ZNF462: variants seen among roughly 807,000 people sequenced by gnomAD.
ZNF462 encodes zinc finger protein 462, also known as zinc finger PBX1-interacting protein.
A neutral mutation model predicts 201.9 loss-of-function variants in ZNF462; 10 were observed. The ratio of observed to expected loss-of-function variants is 0.05; its 90% CI spans 0.03 to 0.08. ZNF462 has a LOEUF of 0.08. ZNF462 is among the 10% of genes least tolerant of loss of function. The probability of loss-of-function intolerance (pLI) is 1.00; values close to 1 mark genes in which losing one functional copy is unlikely to be tolerated. For missense variants in ZNF462, 2,523 were observed against 3,168.3 expected (o/e 0.80, Z 4.89); for synonymous variants, 1,227 against 1,193.3 (o/e 1.03, Z -0.58).
At chr9:106,893,749 G>A (rs969318012) in intron 1 of ZNF462, among the ~76,000 whole-genome samples, 5 of 152,158 alleles carry the variant, frequency 3.3e-5, no homozygotes, top group Non-Finnish European at 5.9e-5. Context: ...ATATTGTTGT[G>A]CAGTGGATGT....
At chr9:107,000,030 C>G (rs889503089) in intron 10 of ZNF462, among the ~76,000 whole-genome samples, 1 of 151,992 alleles carries the variant, frequency 6.6e-6, no homozygotes, top group Non-Finnish European at 1.5e-5. Flanking sequence ...ACAAGGATAT[C>G]GAACACAGGA....
intron 10 of ZNF462, among the ~76,000 whole-genome samples, chr9:106,990,180 A>G (rs1181438778): frequency 1.3e-5 from 2 of 152,064 alleles, no homozygotes; most frequent in Non-Finnish European, 1.5e-5. Flanking sequence ...TTTTGACCCA[A>G]TGCTCATTCA....
chr9:106,948,312 G>A (rs891873987), intron 7 of ZNF462, among the ~76,000 whole-genome samples: 2 of 152,106 alleles, frequency 1.3e-5, no homozygotes, highest in African/African-American at 4.8e-5. Flanking sequence ...GACTCAATGG[G>A]GAAGACTAGC....
chr9:106,918,255 C>T (rs182428711), intron 1 of ZNF462, among the ~76,000 whole-genome samples: 184 of 152,162 alleles, frequency 1.2e-3, no homozygotes, highest in African/African-American at 4.4e-3. Flanking sequence ...CTGATTCTGC[C>T]CCCAGCTCTT....
In ZNF462 at chr9:106,993,866, T is replaced by TC. The variant is rs1828485162; in HGVS notation, c.7057-9425dup. Reference sequence around the variant, plus strand: ...CTCAAGCAATCCTCCCACCTTGGCTTCCCAAAGTACAGGAATTGCAGGTGT... The same window carrying TC: ...CTCAAGCAATCCTCCCACCTTGGCTTCCCCAAAGTACAGGAATTGCAGGTGT... On this transcript the variant is annotated intron_variant, in intron 10 of 12. Coordinates refer to ENST00000277225, the MANE Select transcript of ZNF462 (RefSeq NM_021224.6). This position sits in a 1 kb window ranked among gnomAD's most constrained non-coding sequence, Gnocchi z 4.0. 1.3e-5 allele frequency among the ~76,000 whole-genome samples: 2 copies of TC among 152,116 alleles called. No homozygotes were observed. The highest frequency in any genetic ancestry group is 1.3e-4 in the Admixed American group (2 of 15,246).
Position 106,981,879 on chromosome 9 carries a change from C to T in ZNF462, c.6833-2307C>T, listed in dbSNP as rs768713933. 9.9e-5 allele frequency among the ~76,000 whole-genome samples: 15 copies of T among 152,096 alleles called. No homozygotes were observed. The highest frequency in any genetic ancestry group is 2.1e-4 in the South Asian group (1 of 4,822). ...ATGATACCGGGCTGTTCTTCTTCAC[C>T]GTAGAGGTCAACGGAACCAAGGCAG... On this transcript the variant is annotated intron_variant, in intron 9 of 12. Coordinates refer to ENST00000277225, the MANE Select transcript of ZNF462 (RefSeq NM_021224.6). This position sits in a 1 kb window ranked among gnomAD's most constrained non-coding sequence, Gnocchi z 4.0.
chr9:106,970,664 G>A lies in ZNF462; in HGVS notation c.6428-1341G>A, dbSNP rs1038875154. Among the ~76,000 whole-genome samples the A allele has an allele frequency of 6.6e-6, 1 of 152,124 alleles. No individual in the cohort carries two copies. The highest frequency in any genetic ancestry group is 1.5e-5 in the Non-Finnish European group (1 of 68,022). On this transcript the variant is annotated intron_variant, in intron 7 of 12. Transcript: ENST00000277225. This position sits in a 1 kb window ranked among gnomAD's most constrained non-coding sequence, Gnocchi z 4.2. ...AGTTACACTGAAATTCATCTGTGTG[G>A]TATTCATGGACTTCATTTGTGTCAT...
intron 1 of ZNF462, among the ~76,000 whole-genome samples, chr9:106,881,296 C>T (rs924243815): frequency 6.6e-6 from 1 of 152,126 alleles, no homozygotes; most frequent in African/African-American, 2.4e-5. Flanking sequence ...GAGGACACAT[C>T]GAAGGGGGAC....
At chr9:106,873,517 A>G (rs1310529428) in intron 1 of ZNF462, among the ~76,000 whole-genome samples, 2 of 152,130 alleles carry the variant, frequency 1.3e-5, no homozygotes, top group African/African-American at 4.8e-5. Context: ...CAGCCTGAGA[A>G]ATGTTCTCAA....
chr9:106,958,874 T>C (rs1307065927), intron 7 of ZNF462, among the ~76,000 whole-genome samples: 10 of 152,018 alleles, frequency 6.6e-5, no homozygotes, highest in Non-Finnish European at 1.5e-4. Context: ...GAGGGCATCA[T>C]TGATGACAGG....
intron 1 of ZNF462, among the ~76,000 whole-genome samples, chr9:106,908,643 T>C (rs908740816): frequency 1.3e-5 from 2 of 151,826 alleles, no homozygotes; most frequent in African/African-American, 2.4e-5. Flanking sequence ...TTTATTGATA[T>C]ATCACATATA....
At chr9:106,979,831 T>G (rs1827287570) in intron 9 of ZNF462, among the ~76,000 whole-genome samples, 1 of 152,194 alleles carries the variant, frequency 6.6e-6, no homozygotes, top group South Asian at 2.1e-4. Flanking sequence ...GAAACACAGT[T>G]TTGCCACATA....
intron 7 of ZNF462, among the ~76,000 whole-genome samples, chr9:106,961,658 A>G (rs1348833021): frequency 6.6e-6 from 1 of 152,034 alleles, no homozygotes; most frequent in Non-Finnish European, 1.5e-5. Flanking sequence ...GCACACATGG[A>G]TACATGAATG....
chr9:106,901,513 G>T (rs1253780274), intron 1 of ZNF462, among the ~76,000 whole-genome samples: 2 of 152,104 alleles, frequency 1.3e-5, no homozygotes, highest in Non-Finnish European at 2.9e-5. Flanking sequence ...TGGCAGTATG[G>T]TCATTTTCAC....
chr9:106,934,687 G>A (rs904233207), intron 5 of ZNF462, among the ~76,000 whole-genome samples: 3 of 152,210 alleles, frequency 2.0e-5, no homozygotes, highest in Admixed American at 6.5e-5. Context: ...AAGCAGTACC[G>A]TTCCCACATG....
intron 1 of ZNF462, among the ~76,000 whole-genome samples, chr9:106,901,555 A>T (rs1007584456): frequency 9.9e-5 from 15 of 152,090 alleles, no homozygotes; most frequent in Non-Finnish European, 1.5e-5. Context: ...TGAGCATGGG[A>T]TGTGTTTCCT....
Position 106,924,919 on chromosome 9 carries a change from C to T in ZNF462, c.1007C>T (p.Ser336Phe), listed in dbSNP as rs773072656. The T allele has an allele frequency of 1.9e-6, 3 of 1,614,216 alleles. No individual in the cohort carries two copies. The highest frequency in any genetic ancestry group is 2.5e-6 in the Non-Finnish European group (3 of 1,180,044). ...ATCATGAGACCCAATTCTTCAGCTT[C>T]CAAGTTTTCGCCCATGTCTTACCCT... ...NSIMRPNSSA[S>F]KFSPMSYPQM... Residue 336 changes from serine to phenylalanine, a missense_variant, in exon 3 of 13, where the codon TCC becomes TTC. Transcript: ENST00000277225. The surrounding 1 kb of genome is among the most constrained non-coding windows in gnomAD (Gnocchi z 6.2).
intron 10 of ZNF462, among the ~76,000 whole-genome samples, chr9:106,985,786 G>T (rs191327395): frequency 4.9e-4 from 75 of 152,228 alleles, no homozygotes; most frequent in Admixed American, 2.1e-3. Context: ...GTTCTGTGGG[G>T]TGTTGAGAGA....
intron 1 of ZNF462, among the ~76,000 whole-genome samples, chr9:106,869,164 G>A (rs932092248): frequency 1.3e-5 from 2 of 152,162 alleles, no homozygotes; most frequent in Non-Finnish European, 2.9e-5. Context: ...GCAACGTGGT[G>A]CAGATTTAAA....
Sources: allele counts gnomAD v4.1 joint callset (sites outside exome capture counted in the v4.1 genomes callset), GRCh38; gene constraint gnomAD v4.1.1; non-coding constraint Gnocchi (gnomAD v3.1); transcripts MANE v1.5; gene names NCBI Gene and HGNC (gene_info 2026-07-23, HGNC 2026-07-21).